Variants in TNFAIP2 observed in about 807,000 individuals in gnomAD.
TNFAIP2 encodes TNF alpha induced protein 2, also known as tumor necrosis factor alpha-induced protein 2.
TNFAIP2 carries 47 observed loss-of-function variants against 63.5 expected under a neutral mutation model. The ratio of observed to expected loss-of-function variants is 0.74; its 90% CI spans 0.59 to 0.94. The LOEUF (loss-of-function observed/expected upper bound fraction) is 0.94, where lower values mean the gene tolerates loss of function less well. Ranked by LOEUF, TNFAIP2 falls within the 40% of genes least tolerant of loss-of-function variation. The pLI is 0.00. For synonymous variants in TNFAIP2, 405 were observed against 390.2 expected (o/e 1.04, Z -0.45); for missense variants, 787 against 850.2 (o/e 0.93, Z 0.92).
Position 103,133,727 on chromosome 14 carries a change from G to T in TNFAIP2, c.1747G>T (p.Glu583Ter). Residue 583 changes from glutamate (E) to a stop codon, truncating the protein, a stop_gained, in exon 11 of 12, where the codon GAG (glutamate) becomes TAG (stop). Transcript: ENST00000560869. LOFTEE classifies it high-confidence loss of function. ...GCAGCCTGCTCTCCCTACGCTGGCC[G>T]AGATCATTCGCCTGCAGGACCCCAG... is the stretch of plus-strand genomic sequence containing the variant. ...WLQPALPTLA[E>*]IIRLQDPSAI... The T allele has an allele frequency of 6.3e-7, 1 of 1,596,488 alleles. No homozygotes were observed. Among genetic ancestry groups the T allele is most frequent in the Non-Finnish European group, 8.5e-7 (1 of 1,175,876 alleles).
At chr14:103,128,898 A>G (rs8176387) in intron 3 of TNFAIP2, among the ~76,000 whole-genome samples, 2,118 of 152,342 alleles carry the variant, frequency 0.014, 41 homozygotes, top group African/African-American at 0.048. Context: ...CAAGCTGGGC[A>G]TGGAGCCCTG....
At chr14:103,126,911 C>T in intron 2 of TNFAIP2, 94 bp from the exon 3 acceptor site, 3 of 1,402,878 alleles carry the variant, frequency 2.1e-6, no homozygotes, top group African/African-American at 1.5e-5. Context: ...CGGCCCTGTG[C>T]GCGTCTAGGG....
upstream of TNFAIP2, among the ~76,000 whole-genome samples, chr14:103,121,790 C>T (rs1027010571): frequency 2.0e-5 from 3 of 149,194 alleles, no homozygotes. Flanking sequence ...GGGCTGCCTT[C>T]GAGGGGACAG....
At chr14:103,126,209 C>G (rs1273593048) in intron 1 of TNFAIP2, 101 bp from the exon 2 acceptor site, 1 of 365,018 alleles carries the variant, frequency 2.7e-6, no homozygotes, top group African/African-American at 2.1e-5. Context: ...ATGGGTGAAA[C>G]AGACTGAGTG....
chr14:103,131,023 C>T lies in TNFAIP2; in HGVS notation c.1200-29C>T. The T allele has an allele frequency of 6.2e-7, 1 of 1,611,438 alleles. No homozygotes were observed. Among genetic ancestry groups the T allele is most frequent in the Non-Finnish European group, 8.5e-7 (1 of 1,177,896 alleles). On this transcript the variant is annotated intron_variant, in intron 6 of 11. Transcript: ENST00000560869. The surrounding 1 kb of genome is among the most constrained non-coding windows in gnomAD (Gnocchi z 4.0). ...CTGTGGTCCCAGTGTTTGGGCTGGT[C>T]CTGAATGTGCCCCTTCTGGTTTCGC... is the stretch of plus-strand genomic sequence containing the variant.
At chr14:103,134,795 G>A (rs1365697828) in intron 11 of TNFAIP2, among the ~76,000 whole-genome samples, 1 of 152,192 alleles carries the variant, frequency 6.6e-6, no homozygotes, top group African/African-American at 2.4e-5. Context: ...CCTCCCTTAA[G>A]TAGCTCATTC....
At chr14:103,133,583 A>G (rs2088035474) in intron 10 of TNFAIP2, 66 bp downstream of exon 10, 1 of 1,589,018 alleles carries the variant, frequency 6.3e-7, no homozygotes, top group Admixed American at 1.7e-5. Context: ...TAGCCCTTTC[A>G]GGGTCGGAGA....
At chr14:103,122,733 T>C (rs1373647410), upstream of TNFAIP2, 1 of 455,958 alleles carries the variant, frequency 2.2e-6, no homozygotes, top group East Asian at 7.0e-5. Context: ...CCCTTCTGCC[T>C]GCTCCGGCAG....
chr14:103,127,400 G>T lies in TNFAIP2; in HGVS notation c.631G>T (p.Glu211Ter). 1 of 1,549,650 alleles carries T rather than the reference G, an allele frequency of 6.5e-7. No homozygotes were observed. The highest frequency in any genetic ancestry group is 8.7e-7 in the Non-Finnish European group (1 of 1,155,048). Residue 211 changes from glutamate (E) to a stop codon, truncating the protein, a stop_gained, in exon 3 of 12, where the codon GAG (glutamate) becomes TAG (stop). Transcript: ENST00000560869. LOFTEE classifies it high-confidence loss of function. This position sits in a 1 kb window ranked among gnomAD's most constrained non-coding sequence, Gnocchi z 5.1. ...RMGQRPAAGA[E>*]VPESVFLHLG... ...GGGCCAGCGGCCGGCCGCGGGCGCCGAGGTCCCCGAGAGCGTCTTTCTGCA... is the reference window on the plus strand; with the variant it reads ...GGGCCAGCGGCCGGCCGCGGGCGCCTAGGTCCCCGAGAGCGTCTTTCTGCA...
chr14:103,128,311 C>A (rs868409043), intron 3 of TNFAIP2, among the ~76,000 whole-genome samples: 1 of 152,162 alleles, frequency 6.6e-6, no homozygotes, highest in African/African-American at 2.4e-5. Context: ...GTAGGGTTAC[C>A]CTGTGAGCCC....
chr14:103,133,163 T>C (rs2088019793), intron 9 of TNFAIP2, among the ~76,000 whole-genome samples, 199 bp from the exon 10 acceptor site: 1 of 148,308 alleles, frequency 6.7e-6, no homozygotes. Context: ...TGTGAACACG[T>C]GAACGCATGC....
rs1222446766 is a variant in TNFAIP2 at position 103,127,176 on chromosome 14, TGCTGGGCGTGCTGCGGCGGCC to T, written c.413_433del (p.Gly138_Leu144del). ...CTGTACGAGCTGCTGCGCGACCAGGTGCTGGGCGTGCTGCGGCGGCCGCTGGAGGCGCCGCCCGAGCGGCTG... is the reference window on the plus strand; with the variant it reads ...CTGTACGAGCTGCTGCGCGACCAGGTGCTGGAGGCGCCGCCCGAGCGGCTG... On this transcript the variant is annotated inframe_deletion, in exon 3 of 12. Coordinates refer to ENST00000560869, the MANE Select transcript of TNFAIP2 (RefSeq NM_006291.4). This position sits in a 1 kb window ranked among gnomAD's most constrained non-coding sequence, Gnocchi z 5.1. 1 of 1,127,278 alleles carries T rather than the reference TGCTGGGCGTGCTGCGGCGGCC, an allele frequency of 8.9e-7. No individual in the cohort carries two copies. Among genetic ancestry groups the T allele is most frequent in the African/African-American group, 1.7e-5 (1 of 58,178 alleles). The allele number at this position is 1,127,278 out of a possible 1,614,324, so 69.8% of individuals were successfully genotyped here. A position where few individuals can be genotyped will look rare whatever the true frequency, so the allele number is the denominator to read the frequency against.
In TNFAIP2 at chr14:103,126,437, G is replaced by A. The variant is rs773731381; in HGVS notation, c.-21G>A. On this transcript the variant is annotated 5_prime_UTR_variant, in exon 2 of 12. Transcript: ENST00000560869. ...CCCCCAAAAGTTGCAGTCCACATCA[G>A]AGGCAGAGTCAGAGGCCTCCATGTC... 1 of 1,558,120 alleles carries A rather than the reference G, an allele frequency of 6.4e-7. No homozygotes were observed. The highest frequency in any genetic ancestry group is 1.2e-5 in the South Asian group (1 of 82,760).
At chr14:103,124,738 G>C (rs1019212384) in intron 1 of TNFAIP2, among the ~76,000 whole-genome samples, 3 of 152,240 alleles carry the variant, frequency 2.0e-5, no homozygotes, top group Non-Finnish European at 2.9e-5. Flanking sequence ...GTGGGGAGCA[G>C]AGGTGCCCCA....
Position 103,131,210 on chromosome 14 carries a change from G to A in TNFAIP2, c.1298+60G>A. On this transcript the variant is annotated intron_variant, in intron 7 of 11. Transcript: ENST00000560869. The surrounding 1 kb of genome is among the most constrained non-coding windows in gnomAD (Gnocchi z 4.0). Reference sequence around the variant, plus strand: ...GTCACTCAGCGGGCAGGAGAGGGGAGCTGGAAGGTGGAGGGAGGAGGAGCT... The same window carrying A: ...GTCACTCAGCGGGCAGGAGAGGGGAACTGGAAGGTGGAGGGAGGAGGAGCT... 1 of 1,582,728 alleles carries A rather than the reference G, an allele frequency of 6.3e-7. No homozygotes were observed. The highest frequency in any genetic ancestry group is 8.7e-7 in the Non-Finnish European group (1 of 1,153,326).
At chr14:103,128,033 A>G (rs1415366592) in intron 3 of TNFAIP2, among the ~76,000 whole-genome samples, 1 of 152,192 alleles carries the variant, frequency 6.6e-6, no homozygotes, top group Non-Finnish European at 1.5e-5. Context: ...CGTGCAGAGC[A>G]TGGGCCCAAA....
intron 2 of TNFAIP2, 76 bp downstream of exon 2, chr14:103,126,768 T>C (rs1232520623): frequency 6.2e-6 from 9 of 1,441,078 alleles, no homozygotes; most frequent in East Asian, 4.9e-5. Flanking sequence ...GTGAGCCACT[T>C]GCACAGTGGG....
chr14:103,125,097 C>A (rs1318649126), intron 1 of TNFAIP2, among the ~76,000 whole-genome samples: 1 of 152,260 alleles, frequency 6.6e-6, no homozygotes, highest in Non-Finnish European at 1.5e-5. Flanking sequence ...GATCATCCTG[C>A]CTGCCTTGCA....
At position 103,126,573 on chromosome 14, in the gene TNFAIP2, G is replaced by A; in HGVS notation, c.116G>A (p.Gly39Asp). ...KKKEKKKKSK[G>D]LANVFCVFTK... ...AAGGAGAAGAAGAAGAAGTCCAAAG[G>A]CCTGGCCAATGTGTTCTGCGTCTTC... Residue 39 changes from glycine to aspartate, a missense_variant, in exon 2 of 12, where the codon GGC becomes GAC. By Grantham distance (94) the Gly-to-Asp change is moderately conservative. Coordinates refer to ENST00000560869, the MANE Select transcript of TNFAIP2 (RefSeq NM_006291.4). 2 of 1,556,688 alleles carry A rather than the reference G, an allele frequency of 1.3e-6. No homozygotes were observed. Among genetic ancestry groups the A allele is most frequent in the Non-Finnish European group, 1.7e-6 (2 of 1,150,192 alleles).
Sources: allele counts gnomAD v4.1 joint callset (sites outside exome capture counted in the v4.1 genomes callset), GRCh38; gene constraint gnomAD v4.1.1; non-coding constraint Gnocchi (gnomAD v3.1); transcripts MANE v1.5; gene names NCBI Gene and HGNC (gene_info 2026-07-23, HGNC 2026-07-21).